NOTCH2: variants seen among roughly 807,000 people sequenced by gnomAD.
NOTCH2 encodes the protein neurogenic locus notch homolog protein 2.
In NOTCH2, 29 loss-of-function variants were observed where a neutral mutation model predicts 235.8. That is an observed-to-expected ratio of 0.12 (90% CI 0.09 to 0.17). NOTCH2 has a LOEUF of 0.17. Among genes scored for constraint, NOTCH2 ranks in the 10% least tolerant of loss-of-function variants. The pLI is 1.00. For missense variants in NOTCH2, 2,285 were observed against 3,150.2 expected (o/e 0.73, Z 6.57); for synonymous variants, 1,086 against 1,141.5 (o/e 0.95, Z 0.98).
In NOTCH2 at chr1:119,914,679, C is replaced by G. The variant is rs587668748; in HGVS notation, c.*627G>C. The G allele has an allele frequency of 2.5e-5, 6 of 243,380 alleles. No individual in the cohort carries two copies. The highest frequency in any genetic ancestry group is 1.3e-4 in the African/African-American group (6 of 45,514). 15.1% of individuals were successfully genotyped at this position (243,380 alleles called of 1,614,324 possible). ...TGAAAGGTTTGTGCTGAGAACCATA[C>G]CAAAGTAAACCTTGTGAGACTCCAA... On this transcript the variant is annotated 3_prime_UTR_variant, in exon 34 of 34. Transcript: ENST00000256646.
In NOTCH2 at chr1:119,969,501, T is replaced by C. The variant is rs1553200123; in HGVS notation, c.1108+10A>G. The C allele has an allele frequency of 5.0e-6, 8 of 1,612,708 alleles. No individual in the cohort carries two copies. Among genetic ancestry groups the C allele is most frequent in the Non-Finnish European group, 5.9e-6 (7 of 1,179,238 alleles). On this transcript the variant is annotated intron_variant, in intron 6 of 33. Transcript: ENST00000256646. ...TTCCCTGTTTCTAGATCCGTCCTTC[T>C]GCTACCTACCTGCCTTCCCCTCTGG...
At chr1:120,045,655 G>A (rs1450553788) in intron 1 of NOTCH2, among the ~76,000 whole-genome samples, 2 of 152,240 alleles carry the variant, frequency 1.3e-5, no homozygotes, top group East Asian at 3.9e-4. Context: ...CTCTTAAGGA[G>A]AGATACAACC....
intron 31 of NOTCH2, among the ~76,000 whole-genome samples, chr1:119,918,807 G>A (rs1325612841): frequency 6.6e-6 from 1 of 152,220 alleles, no homozygotes; most frequent in African/African-American, 2.4e-5. Flanking sequence ...CAGGAAAGAA[G>A]AGGGATGTGG....
Position 119,911,605 on chromosome 1 carries a change from TATAAC to T in NOTCH2, c.*3696_*3700del, listed in dbSNP as rs1274453497. ...ATAAATAAATGTATGAATGTGAACT[TATAAC>T]AAATTTATACACAAAATATTATTTT... On this transcript the variant is annotated 3_prime_UTR_variant, in exon 34 of 34. Coordinates refer to ENST00000256646, the MANE Select transcript of NOTCH2 (RefSeq NM_024408.4). 3 of 231,772 alleles carry T rather than the reference TATAAC, an allele frequency of 1.3e-5. No homozygotes were observed. The highest frequency in any genetic ancestry group is 6.6e-5 in the African/African-American group (3 of 45,310). 14.4% of individuals were successfully genotyped at this position (231,772 alleles called of 1,614,324 possible).
chr1:119,946,932 G>C (rs1197135547), intron 17 of NOTCH2, among the ~76,000 whole-genome samples: 1 of 152,124 alleles, frequency 6.6e-6, no homozygotes, highest in Non-Finnish European at 1.5e-5. Context: ...AAACTATCTA[G>C]AGGCTAACCT....
At chr1:119,967,199 T>A (rs1553199780) in intron 8 of NOTCH2, among the ~76,000 whole-genome samples, 2 of 152,234 alleles carry the variant, frequency 1.3e-5, no homozygotes, top group Admixed American at 1.3e-4. Flanking sequence ...TGGATTTTGA[T>A]ATAACAGGCT....
At chr1:119,964,494 G>A (rs1651063684) in intron 10 of NOTCH2, among the ~76,000 whole-genome samples, 1 of 151,964 alleles carries the variant, frequency 6.6e-6, no homozygotes, top group African/African-American at 2.4e-5. Flanking sequence ...ATCTGGCCAG[G>A]GGAAGACAAA....
chr1:119,943,912 A>G (rs1553196761), intron 17 of NOTCH2, among the ~76,000 whole-genome samples: 1 of 152,174 alleles, frequency 6.6e-6, no homozygotes, highest in Non-Finnish European at 1.5e-5. Flanking sequence ...TCCACATATA[A>G]AAACATAATA....
intron 26 of NOTCH2, 35 bp downstream of exon 26, chr1:119,923,602 A>C: frequency 6.4e-7 from 1 of 1,567,108 alleles, no homozygotes; most frequent in Non-Finnish European, 8.8e-7. Flanking sequence ...AGGCTTCATA[A>C]AATTAGCCTT....
chr1:119,943,820 A>G (rs1650155718), intron 17 of NOTCH2, among the ~76,000 whole-genome samples: 1 of 152,164 alleles, frequency 6.6e-6, no homozygotes, highest in Admixed American at 6.5e-5. Flanking sequence ...AAACAACGAT[A>G]CTCAATATAT....
In NOTCH2 at chr1:119,912,819, G is replaced by A. The variant is rs777224640; in HGVS notation, c.*2487C>T. On this transcript the variant is annotated 3_prime_UTR_variant, in exon 34 of 34. Coordinates refer to ENST00000256646, the MANE Select transcript of NOTCH2 (RefSeq NM_024408.4). Reference sequence around the variant, plus strand: ...AGAGTTCTTAAAATCTAAGAGATCAGTAAAAAGTTTGAAAGGCAGTGTTGT... The same window carrying A: ...AGAGTTCTTAAAATCTAAGAGATCAATAAAAAGTTTGAAAGGCAGTGTTGT... 4.3e-6 allele frequency: 1 copy of A among 233,402 alleles called. No homozygotes were observed. The highest frequency in any genetic ancestry group is 8.5e-6 in the Non-Finnish European group (1 of 117,966). The allele number at this position is 233,402 out of a possible 1,614,324, so 14.5% of individuals were successfully genotyped here. A position where few individuals can be genotyped will look rare whatever the true frequency, so the allele number is the denominator to read the frequency against.
intron 22 of NOTCH2, among the ~76,000 whole-genome samples, chr1:119,929,612 C>T (rs912808714): frequency 6.6e-6 from 1 of 152,178 alleles, no homozygotes; most frequent in African/African-American, 2.4e-5. Flanking sequence ...GTTATGCAAC[C>T]GCATAATGAC....
chr1:119,982,598 C>T (rs1553201790), intron 5 of NOTCH2, among the ~76,000 whole-genome samples: 1 of 152,230 alleles, frequency 6.6e-6, no homozygotes, highest in Non-Finnish European at 1.5e-5. Context: ...TGGCCTGAGG[C>T]CAAATACAGT....
chr1:119,984,513 C>T (rs587686201), intron 5 of NOTCH2, among the ~76,000 whole-genome samples: 1 of 152,316 alleles, frequency 6.6e-6, no homozygotes, highest in East Asian at 1.9e-4. Context: ...CATTAGTTAA[C>T]TCCTACTAGA....
At chr1:119,930,131 G>A (rs1396392829) in intron 22 of NOTCH2, among the ~76,000 whole-genome samples, 10 of 152,148 alleles carry the variant, frequency 6.6e-5, no homozygotes, top group African/African-American at 2.4e-4. Flanking sequence ...TTGCCTAAGG[G>A]CATATTTCTC....
intron 13 of NOTCH2, among the ~76,000 whole-genome samples, chr1:119,954,506 G>A (rs960770376): frequency 7.2e-5 from 11 of 152,162 alleles, no homozygotes; most frequent in Admixed American, 1.3e-4. Flanking sequence ...AGAGCGTCTC[G>A]TGAGACCTAA....
chr1:120,053,633 CT>C lies in NOTCH2; in HGVS notation c.73+15700del, dbSNP rs1326152637. ...AACTTGAAGTTACTAGACAATAGTA[CT>C]TTTAGTCTACTCTTTAGGTGATCCA... On this transcript the variant is annotated intron_variant, in intron 1 of 33. Transcript: ENST00000256646. Among the ~76,000 whole-genome samples, 182 of 139,808 alleles carry C rather than the reference CT, an allele frequency of 1.3e-3. 7 individuals are homozygous for C. Among genetic ancestry groups the C allele is most frequent in the Non-Finnish European group, 4.2e-4 (28 of 66,284 alleles). The allele number at this position is 139,808 out of a possible 152,430, so 91.7% of individuals were successfully genotyped here. A position where few individuals can be genotyped will look rare whatever the true frequency, so the allele number is the denominator to read the frequency against.
chr1:119,957,020 A>G (rs1331300708), intron 12 of NOTCH2, among the ~76,000 whole-genome samples: 3 of 152,236 alleles, frequency 2.0e-5, no homozygotes, highest in Non-Finnish European at 2.9e-5. Flanking sequence ...TGTTTAATAA[A>G]TGAAAACATG....
intron 11 of NOTCH2, among the ~76,000 whole-genome samples, chr1:119,960,924 C>G (rs938443322): frequency 2.0e-5 from 3 of 152,096 alleles, no homozygotes; most frequent in Non-Finnish European, 4.4e-5. Flanking sequence ...CCTCGGCCTC[C>G]CAAAATGTTG....
Sources: gnomAD v4.1 joint callset for allele counts (sites outside exome capture counted in the v4.1 genomes callset) on GRCh38, gnomAD v4.1.1 for gene constraint, MANE v1.5 for transcripts, NCBI Gene and HGNC (gene_info 2026-07-23, HGNC 2026-07-21) for gene names.